XRCC4: variants seen among roughly 807,000 people sequenced by gnomAD.
XRCC4 encodes DNA repair protein XRCC4.
XRCC4 carries 28 observed loss-of-function variants against 39.1 expected under a neutral mutation model. The observed-to-expected ratio is 0.72, with a 90% CI of 0.53 to 0.98. XRCC4 has a LOEUF of 0.98. Among genes scored for constraint, XRCC4 ranks in the 50% least tolerant of loss-of-function variants. The pLI, the probability that XRCC4 is intolerant of heterozygous loss-of-function variation, is 0.00. For synonymous variants in XRCC4, 123 were observed against 126.4 expected, an observed-to-expected ratio of 0.97 and a Z score of 0.18; for missense variants, 350 against 376.4, an observed-to-expected ratio of 0.93 and a Z score of 0.58.
intron 1 of XRCC4, among the ~76,000 whole-genome samples, chr5:83,087,659 T>G (rs1348428296): frequency 1.3e-5 from 2 of 151,850 alleles, no homozygotes; most frequent in African/African-American, 4.8e-5. Flanking sequence ...TGAGACCCTG[T>G]GTCAAAAAAA....
intron 3 of XRCC4, among the ~76,000 whole-genome samples, chr5:83,192,525 GGTCTC>G (rs1750758770): frequency 6.6e-6 from 1 of 151,778 alleles, no homozygotes; most frequent in Admixed American, 6.6e-5. Flanking sequence ...TGCCCAGGCT[GGTCTC>G]AAACTCTTGA....
At chr5:83,322,786 A>T (rs1171922108) in intron 7 of XRCC4, among the ~76,000 whole-genome samples, 1 of 152,194 alleles carries the variant, frequency 6.6e-6, no homozygotes, top group Non-Finnish European at 1.5e-5. Flanking sequence ...AGGAAGGAAC[A>T]GATTCTCACC....
intron 3 of XRCC4, among the ~76,000 whole-genome samples, chr5:83,124,415 G>T (rs777371336): frequency 9.9e-5 from 15 of 152,022 alleles, no homozygotes; most frequent in Non-Finnish European, 1.8e-4. Context: ...TAATACTTTT[G>T]AGATCCACCA....
chr5:83,260,579 A>G (rs897985377), intron 7 of XRCC4, among the ~76,000 whole-genome samples: 2 of 152,140 alleles, frequency 1.3e-5, no homozygotes, highest in Admixed American at 6.6e-5. Flanking sequence ...GGTTGCTAAC[A>G]TTTTCTGAGT....
At chr5:83,234,978 T>C (rs1451717531) in intron 6 of XRCC4, among the ~76,000 whole-genome samples, 1 of 151,370 alleles carries the variant, frequency 6.6e-6, no homozygotes, top group African/African-American at 2.4e-5. Context: ...ACTTAAACAT[T>C]AGCTTTTATC....
At chr5:83,206,382 A>C (rs1320771714) in intron 6 of XRCC4, among the ~76,000 whole-genome samples, 1 of 152,154 alleles carries the variant, frequency 6.6e-6, no homozygotes, top group Non-Finnish European at 1.5e-5. Context: ...ATGACTGAGC[A>C]AATAAGACTG....
At chr5:83,345,617 A>T (rs1040635954) in intron 7 of XRCC4, among the ~76,000 whole-genome samples, 6 of 152,180 alleles carry the variant, frequency 3.9e-5, no homozygotes, top group Non-Finnish European at 8.8e-5. Context: ...GACGTATTTC[A>T]GAAATATTAC....
intron 7 of XRCC4, among the ~76,000 whole-genome samples, chr5:83,279,078 ATATAT>A (rs67680451): frequency 9.6e-5 from 14 of 146,224 alleles, no homozygotes; most frequent in Non-Finnish European, 1.8e-4. Context: ...ATAAAATATA[ATATAT>A]TATAAAATAT....
At chr5:83,257,598 A>G (rs1753590403) in intron 6 of XRCC4, among the ~76,000 whole-genome samples, 1 of 152,242 alleles carries the variant, frequency 6.6e-6, no homozygotes, top group Non-Finnish European at 1.5e-5. Context: ...GGGAGTGTAA[A>G]TTAGTTCAAT....
At chr5:83,336,098 A>G (rs984401050) in intron 7 of XRCC4, among the ~76,000 whole-genome samples, 2 of 152,120 alleles carry the variant, frequency 1.3e-5, no homozygotes, top group African/African-American at 2.4e-5. Context: ...CAATATGACA[A>G]ATTGGCCTAT....
intron 1 of XRCC4, among the ~76,000 whole-genome samples, chr5:83,100,749 T>C (rs1204393267): frequency 6.6e-6 from 1 of 151,858 alleles, no homozygotes; most frequent in Non-Finnish European, 1.5e-5. Context: ...TTTGAGCCAA[T>C]TAGAATTATG....
At chr5:83,217,057 A>ACC (rs1200056036) in intron 6 of XRCC4, among the ~76,000 whole-genome samples, 2 of 151,832 alleles carry the variant, frequency 1.3e-5, no homozygotes, top group African/African-American at 4.8e-5. Context: ...ACACACACAC[A>ACC]CCCCAAAAAC....
intron 6 of XRCC4, among the ~76,000 whole-genome samples, chr5:83,211,390 T>G (rs1751639016): frequency 1.3e-5 from 2 of 152,150 alleles, no homozygotes; most frequent in Non-Finnish European, 2.9e-5. Flanking sequence ...GTAATGATCT[T>G]GGTGTCAGTG....
intron 7 of XRCC4, among the ~76,000 whole-genome samples, chr5:83,327,894 TG>T (rs1344067150): frequency 6.6e-6 from 1 of 152,066 alleles, no homozygotes; most frequent in African/African-American, 2.4e-5. Context: ...CATTCCATAC[TG>T]TATTGGAGGT....
intron 7 of XRCC4, among the ~76,000 whole-genome samples, chr5:83,311,965 A>G (rs556315414): frequency 1.3e-5 from 2 of 152,336 alleles, no homozygotes; most frequent in South Asian, 4.1e-4. Context: ...GCAAGAAGCC[A>G]TGCTCTAATA....
chr5:83,200,829 G>GT (rs1391978535), intron 4 of XRCC4, among the ~76,000 whole-genome samples: 11 of 152,038 alleles, frequency 7.2e-5, no homozygotes, highest in Non-Finnish European at 1.0e-4. Flanking sequence ...ATGTTTTAAA[G>GT]TTTTTTGTTG....
At chr5:83,099,312 A>C (rs1745817310) in intron 1 of XRCC4, among the ~76,000 whole-genome samples, 1 of 152,172 alleles carries the variant, frequency 6.6e-6, no homozygotes, top group African/African-American at 2.4e-5. Flanking sequence ...AAGAAGTCAT[A>C]ATTTACTATA....
intron 7 of XRCC4, among the ~76,000 whole-genome samples, chr5:83,308,721 A>G (rs1755575266): frequency 6.6e-6 from 1 of 152,178 alleles, no homozygotes; most frequent in South Asian, 2.1e-4. Context: ...AATTCTAGTT[A>G]TATTTTTAAA....
At chr5:83,159,040 A>T (rs942932312) in intron 3 of XRCC4, among the ~76,000 whole-genome samples, 2 of 152,126 alleles carry the variant, frequency 1.3e-5, no homozygotes, top group African/African-American at 2.4e-5. Context: ...TTAAATACCT[A>T]TAGTGTAAGT....
Sources: gnomAD v4.1 joint callset for allele counts (sites outside exome capture counted in the v4.1 genomes callset) on GRCh38, gnomAD v4.1.1 for gene constraint, MANE v1.5 for transcripts, NCBI Gene and HGNC (gene_info 2026-07-23, HGNC 2026-07-21) for gene names.